SLC4A8: variants seen among roughly 807,000 people sequenced by gnomAD.
The protein encoded by SLC4A8 is solute carrier family 4 member 8.
In SLC4A8, 40 loss-of-function variants were observed where a neutral mutation model predicts 125.0. The observed-to-expected ratio is 0.32, with a 90% confidence interval of 0.25 to 0.42. The LOEUF is 0.42. SLC4A8 is among the 10% of genes least tolerant of loss of function. SLC4A8 has a pLI of 1.00. For missense variants in SLC4A8, 863 were observed against 1,355.1 expected, an observed-to-expected ratio of 0.64 and a Z score of 5.70; for synonymous variants, 456 against 476.0, an observed-to-expected ratio of 0.96 and a Z score of 0.55.
intron 1 of SLC4A8, among the ~76,000 whole-genome samples, chr12:51,428,227 C>G (rs1949064981): frequency 6.6e-6 from 1 of 152,120 alleles, no homozygotes; most frequent in South Asian, 2.1e-4. Flanking sequence ...TTAAGATGGT[C>G]CTGTTTTATT....
intron 1 of SLC4A8, among the ~76,000 whole-genome samples, chr12:51,413,078 C>T (rs537221780): frequency 1.3e-5 from 2 of 152,260 alleles, no homozygotes; most frequent in Non-Finnish European, 2.9e-5. Context: ...CACCAACATT[C>T]GTGTTTTTTT....
At chr12:51,429,855 A>T (rs953050297) in intron 1 of SLC4A8, among the ~76,000 whole-genome samples, 1 of 151,720 alleles carries the variant, frequency 6.6e-6, no homozygotes, top group Non-Finnish European at 1.5e-5. Flanking sequence ...GGGGGTAGTA[A>T]TAGAGGAAGG....
At chr12:51,506,440 T>G (rs968928380) in intron 24 of SLC4A8, among the ~76,000 whole-genome samples, 2 of 151,914 alleles carry the variant, frequency 1.3e-5, no homozygotes, top group African/African-American at 4.8e-5. Context: ...CCTTTTTTTC[T>G]TTTTTTGTTT....
chr12:51,447,106 A>G (rs1949798974), intron 2 of SLC4A8, among the ~76,000 whole-genome samples: 1 of 106,756 alleles, frequency 9.4e-6, no homozygotes, highest in Admixed American at 8.9e-5. Context: ...ATAGGGTCTC[A>G]TTCTGTCACC....
chr12:51,474,055 A>C (rs200872809), intron 14 of SLC4A8, among the ~76,000 whole-genome samples: 1 of 152,228 alleles, frequency 6.6e-6, no homozygotes, highest in Admixed American at 6.5e-5. Flanking sequence ...AAAAACAAAA[A>C]ACAAAACAAC....
chr12:51,413,937 A>AT (rs1180328968), intron 1 of SLC4A8, among the ~76,000 whole-genome samples: 3 of 151,830 alleles, frequency 2.0e-5, no homozygotes, highest in Admixed American at 6.6e-5. Context: ...TTTTACGATT[A>AT]TTTTTTCTAT....
Position 51,457,369 on chromosome 12 carries a change from A to G in SLC4A8, c.593A>G (p.Gln198Arg), listed in dbSNP as rs1950183941. The part of the protein sequence containing the change: ...EEISDLILDQ[Q>R]ELSSDLNDSM... ...TTTCCAGACCTGATCCTGGATCAGC[A>G]AGAACTGTCCAGTGACCTGAATGAC... The change falls in exon 6 of 25, where the codon CAA becomes CGA. Residue 198 changes from glutamine (Q) to arginine (R), a missense_variant. Coordinates refer to ENST00000453097, the MANE Select transcript of SLC4A8 (RefSeq NM_001039960.3). The G allele has an allele frequency of 1.2e-6, 2 of 1,613,708 alleles. No individual in the cohort carries two copies. The highest frequency in any genetic ancestry group is 2.7e-5 in the African/African-American group (2 of 74,910).
Position 51,447,640 on chromosome 12 carries a change from G to A in SLC4A8, c.131-3236G>A, listed in dbSNP as rs140743237. 5.3e-5 allele frequency among the ~76,000 whole-genome samples: 8 copies of A among 151,938 alleles called. 1 individual carries two copies. The highest frequency in any genetic ancestry group is 1.9e-4 in the African/African-American group (8 of 41,436). On this transcript the variant is annotated intron_variant, in intron 2 of 24. Coordinates refer to ENST00000453097, the MANE Select transcript of SLC4A8 (RefSeq NM_001039960.3). ...AAAACCAGGCCATTTGGTTGCTGAGGTACATGGCAGTTATACATCTCTAGA... is the reference window on the plus strand; with the variant it reads ...AAAACCAGGCCATTTGGTTGCTGAGATACATGGCAGTTATACATCTCTAGA...
intron 1 of SLC4A8, among the ~76,000 whole-genome samples, chr12:51,395,517 G>A (rs1485281897): frequency 6.6e-6 from 1 of 152,186 alleles, no homozygotes; most frequent in South Asian, 2.1e-4. Flanking sequence ...TGAGGCCGTT[G>A]ACACCAGCCC....
chr12:51,404,645 A>C (rs768989309), intron 1 of SLC4A8, among the ~76,000 whole-genome samples: 5 of 152,196 alleles, frequency 3.3e-5, no homozygotes, highest in Admixed American at 6.6e-5. Flanking sequence ...TTGCTATTAC[A>C]TGAGGCAGGA....
chr12:51,507,495 T>G lies in SLC4A8; in HGVS notation c.*57T>G. On this transcript the variant is annotated 3_prime_UTR_variant, in exon 25 of 25. Coordinates refer to ENST00000453097, the MANE Select transcript of SLC4A8 (RefSeq NM_001039960.3). ...TGTGGTGCCTCAGGGAAGTTCTGGT[T>G]ACAGAGAAAATGGCGAGTCTCTCAG... 7.7e-7 allele frequency: 1 copy of G among 1,291,690 alleles called. No homozygotes were observed. The highest frequency in any genetic ancestry group is 1.0e-6 in the Non-Finnish European group (1 of 987,388). 80.0% of individuals were successfully genotyped at this position (1,291,690 alleles called of 1,614,324 possible).
intron 1 of SLC4A8, among the ~76,000 whole-genome samples, chr12:51,403,618 G>C (rs6580831): frequency 8.5e-5 from 13 of 152,168 alleles, no homozygotes; most frequent in African/African-American, 3.1e-4. Context: ...TTCAGTGGGG[G>C]AGAAAGATGT....
chr12:51,495,850 T>G (rs1313697542), intron 21 of SLC4A8, among the ~76,000 whole-genome samples: 1 of 152,168 alleles, frequency 6.6e-6, no homozygotes, highest in African/African-American at 2.4e-5. Context: ...GTGTCAGAAT[T>G]TCCTTCCTTT....
chr12:51,399,830 A>T (rs1054386013), intron 1 of SLC4A8, among the ~76,000 whole-genome samples: 1 of 152,152 alleles, frequency 6.6e-6, no homozygotes, highest in Non-Finnish European at 1.5e-5. Context: ...AAAATACAAA[A>T]AATTAGCTGG....
At position 51,515,002 on chromosome 12, in the gene SLC4A8, C is replaced by T. The variant is rs1054948046; in HGVS notation, c.*7564C>T. 3.3e-5 allele frequency: 5 copies of T among 152,198 alleles called. No individual in the cohort carries two copies. Among genetic ancestry groups the T allele is most frequent in the African/African-American group, 1.2e-4 (5 of 41,454 alleles). 9.4% of individuals were successfully genotyped at this position (152,198 alleles called of 1,614,324 possible). ...GAAAAGGAATAGCATTTTTCTTAAA[C>T]CTAACCCAGTTTCAGCATTGGAGAA... On this transcript the variant is annotated 3_prime_UTR_variant, in exon 25 of 25. Transcript: ENST00000453097.
intron 16 of SLC4A8, among the ~76,000 whole-genome samples, chr12:51,482,091 A>G (rs181537606): frequency 2.6e-5 from 4 of 152,354 alleles, no homozygotes; most frequent in East Asian, 3.9e-4. Context: ...GATTTGCAGT[A>G]TTTAATGTGG....
intron 19 of SLC4A8, among the ~76,000 whole-genome samples, chr12:51,490,166 A>G (rs1951270917): frequency 1.3e-5 from 2 of 152,318 alleles, no homozygotes; most frequent in South Asian, 4.1e-4. Context: ...AGTGATATAA[A>G]GGAAATACAC....
At chr12:51,490,993 G>A (rs557633886) in intron 19 of SLC4A8, among the ~76,000 whole-genome samples, 2 of 152,284 alleles carry the variant, frequency 1.3e-5, no homozygotes, top group African/African-American at 4.8e-5. Context: ...TGTATAGCTT[G>A]GAGGCAGACC....
intron 1 of SLC4A8, among the ~76,000 whole-genome samples, chr12:51,415,895 T>C (rs1948676343): frequency 6.7e-6 from 1 of 150,014 alleles, no homozygotes; most frequent in Non-Finnish European, 1.5e-5. Flanking sequence ...AATATGCAAA[T>C]GTACCCCCGA....
Sources: gnomAD v4.1 joint callset for allele counts (sites outside exome capture counted in the v4.1 genomes callset) on GRCh38, gnomAD v4.1.1 for gene constraint, MANE v1.5 for transcripts, NCBI Gene and HGNC (gene_info 2026-07-23, HGNC 2026-07-21) for gene names.